Variants in NRF1 observed in about 807,000 individuals in gnomAD.
NRF1 encodes the protein nuclear respiratory factor 1.
Under a neutral mutation model 58.5 loss-of-function variants are expected in NRF1, and 5 were observed. The ratio of observed to expected loss-of-function variants is 0.09; its 90% CI spans 0.04 to 0.18. NRF1 has a LOEUF of 0.18. Among genes scored for constraint, NRF1 ranks in the 10% least tolerant of loss-of-function variants. NRF1 has a pLI of 1.00. For synonymous variants in NRF1, 224 were observed against 246.7 expected (o/e 0.91, Z 0.86); for missense variants, 288 against 657.7 (o/e 0.44, Z 6.15).
intron 1 of NRF1, among the ~76,000 whole-genome samples, chr7:129,619,429 T>TACACACACACACAC (rs1384098912): frequency 1.2e-4 from 9 of 75,156 alleles, no homozygotes; most frequent in African/African-American, 3.6e-4. Flanking sequence ...TATATATATA[T>TACACACACACACAC]ATATACACAC....
At position 129,645,386 on chromosome 7, in the gene NRF1, C is replaced by G. The variant is rs138311217; in HGVS notation, c.-6-11960C>G. Among the ~76,000 whole-genome samples the G allele has an allele frequency of 8.5e-4, 130 of 152,236 alleles. 1 individual carries two copies. Among genetic ancestry groups the G allele is most frequent in the African/African-American group, 2.8e-3 (118 of 41,534 alleles). On this transcript the variant is annotated intron_variant, in intron 1 of 10. Coordinates refer to ENST00000393232, the MANE Select transcript of NRF1 (RefSeq NM_005011.5). Reference sequence around the variant, plus strand: ...AGAAGTGAGGATGTGTTTAAGTAGGCATGAGGTAGAATGGAGAGGAGACTC... The same window carrying G: ...AGAAGTGAGGATGTGTTTAAGTAGGGATGAGGTAGAATGGAGAGGAGACTC...
At chr7:129,645,144 C>A (rs1171453425) in intron 1 of NRF1, among the ~76,000 whole-genome samples, 1 of 152,058 alleles carries the variant, frequency 6.6e-6, no homozygotes, top group African/African-American at 2.4e-5. Flanking sequence ...TTATATAGCA[C>A]TCACTATATA....
chr7:129,678,446 AATATAGGC>A (rs1802233813), intron 4 of NRF1, among the ~76,000 whole-genome samples: 1 of 152,134 alleles, frequency 6.6e-6, no homozygotes, highest in Non-Finnish European at 1.5e-5. Flanking sequence ...TCCCATATTG[AATATAGGC>A]ATTTTTTGAG....
At chr7:129,750,353 A>G (rs1804084536) in intron 10 of NRF1, among the ~76,000 whole-genome samples, 1 of 152,100 alleles carries the variant, frequency 6.6e-6, no homozygotes. Flanking sequence ...CGCCCGACTT[A>G]GGGCACGCTG....
chr7:129,704,037 G>A (rs1269463109), intron 5 of NRF1, among the ~76,000 whole-genome samples: 1 of 151,270 alleles, frequency 6.6e-6, no homozygotes, highest in Non-Finnish European at 1.5e-5. Context: ...TAATCTGCTT[G>A]TACATCCCCC....
At chr7:129,625,188 C>G (rs1468119275) in intron 1 of NRF1, among the ~76,000 whole-genome samples, 1 of 152,134 alleles carries the variant, frequency 6.6e-6, no homozygotes, top group Non-Finnish European at 1.5e-5. Flanking sequence ...CTCATTGTCT[C>G]CTCTCCGTGT....
chr7:129,714,706 G>A (rs900151270), intron 8 of NRF1, among the ~76,000 whole-genome samples: 1 of 152,166 alleles, frequency 6.6e-6, no homozygotes, highest in Non-Finnish European at 1.5e-5. Flanking sequence ...TGAGAACTCA[G>A]GGCAAACACG....
chr7:129,656,655 A>G (rs993237313), intron 1 of NRF1, among the ~76,000 whole-genome samples: 2 of 152,004 alleles, frequency 1.3e-5, no homozygotes, highest in African/African-American at 4.8e-5. Context: ...GCTCACTGCA[A>G]CCTCTGCCTC....
intron 2 of NRF1, among the ~76,000 whole-genome samples, chr7:129,664,158 G>C (rs909677283): frequency 6.6e-6 from 1 of 151,266 alleles, no homozygotes; most frequent in African/African-American, 2.4e-5. Context: ...GAAAGGGAGG[G>C]AGAGGGTAGG....
At chr7:129,634,033 A>G (rs897518296) in intron 1 of NRF1, among the ~76,000 whole-genome samples, 60 of 63,196 alleles carry the variant, frequency 9.5e-4, no homozygotes, top group Non-Finnish European at 1.5e-3. Flanking sequence ...TGTATTTAAA[A>G]AAAAAAAAAG....
At chr7:129,754,888 C>A in intron 10 of NRF1, 130 bp from the exon 11 acceptor site, 1 of 795,692 alleles carries the variant, frequency 1.3e-6, no homozygotes. Context: ...TGTGCCTGGG[C>A]CATGGGTATG....
intron 1 of NRF1, among the ~76,000 whole-genome samples, chr7:129,626,072 G>A (rs1800912608): frequency 6.6e-6 from 1 of 152,030 alleles, no homozygotes; most frequent in Non-Finnish European, 1.5e-5. Flanking sequence ...CTCCCACCTT[G>A]GCCTGCCACA....
chr7:129,657,243 T>G (rs2151075601), intron 1 of NRF1, 103 bp from the exon 2 acceptor site: 1 of 819,774 alleles, frequency 1.2e-6, no homozygotes, highest in Non-Finnish European at 2.0e-6. Context: ...AAATTGGAAT[T>G]TTGTCAAGGT....
intron 2 of NRF1, among the ~76,000 whole-genome samples, chr7:129,669,826 G>GT (rs1445443321): frequency 6.6e-6 from 1 of 152,122 alleles, no homozygotes; most frequent in East Asian, 1.9e-4. Flanking sequence ...TATGATCCTG[G>GT]TGTCTCACTT....
chr7:129,719,810 C>T (rs1228099732), intron 9 of NRF1, among the ~76,000 whole-genome samples: 1 of 152,112 alleles, frequency 6.6e-6, no homozygotes, highest in African/African-American at 2.4e-5. Context: ...AGTCCAGTAA[C>T]ACCCCCCATT....
At chr7:129,688,262 G>A (rs1425816442) in intron 4 of NRF1, among the ~76,000 whole-genome samples, 1 of 152,100 alleles carries the variant, frequency 6.6e-6, no homozygotes, top group African/African-American at 2.4e-5. Context: ...GAGTAGCTGG[G>A]ACCACAGGTG....
At chr7:129,698,150 C>G (rs1281258563) in intron 5 of NRF1, among the ~76,000 whole-genome samples, 6 of 151,994 alleles carry the variant, frequency 3.9e-5, no homozygotes, top group Admixed American at 1.3e-4. Context: ...ATGCTCTGTT[C>G]TTTTAGGAAG....
chr7:129,743,471 G>A (rs1803897202), intron 10 of NRF1, among the ~76,000 whole-genome samples: 2 of 152,168 alleles, frequency 1.3e-5, no homozygotes, highest in African/African-American at 4.8e-5. Flanking sequence ...CCAAGGACAG[G>A]GCCTTTAATC....
chr7:129,622,071 G>A (rs983599891), intron 1 of NRF1, among the ~76,000 whole-genome samples: 6 of 151,972 alleles, frequency 3.9e-5, no homozygotes, highest in Admixed American at 2.0e-4. Context: ...GTGAGCCACC[G>A]TGACCGGCCG....
Sources: allele counts gnomAD v4.1 joint callset (sites outside exome capture counted in the v4.1 genomes callset), GRCh38; gene constraint gnomAD v4.1.1; transcripts MANE v1.5; gene names NCBI Gene and HGNC (gene_info 2026-07-23, HGNC 2026-07-21).